The following CCND3 variants were observed in gnomAD, a reference collection of about 807,000 sequenced individuals.
The protein encoded by CCND3 is G1/S-specific cyclin-D3.
In CCND3, 9 loss-of-function variants were observed where a neutral mutation model predicts 28.7. That is an observed-to-expected ratio of 0.31 (90% CI 0.19 to 0.55). The LOEUF (loss-of-function observed/expected upper bound fraction) is 0.55. Among genes scored for constraint, CCND3 ranks in the 20% least tolerant of loss-of-function variants. The pLI is 0.93. For missense variants in CCND3, 315 were observed against 385.8 expected, an observed-to-expected ratio of 0.82 and a Z score of 1.54; for synonymous variants, 164 against 163.9, an observed-to-expected ratio of 1.00 and a Z score of 0.00.
chr6:42,023,748 C>CA (rs1412137312), intron 1 of CCND3, among the ~76,000 whole-genome samples: 1 of 151,954 alleles, frequency 6.6e-6, no homozygotes, highest in African/African-American at 2.4e-5. Context: ...ACACTAAAAG[C>CA]AAAAAATACA....
intron 1 of CCND3, among the ~76,000 whole-genome samples, chr6:41,955,256 G>A (rs1776409314): frequency 1.3e-5 from 2 of 151,734 alleles, no homozygotes; most frequent in Admixed American, 1.3e-4. Context: ...AGAACAATAT[G>A]TGAAAAAAAA....
intron 1 of CCND3, among the ~76,000 whole-genome samples, chr6:41,965,516 T>C (rs1036512649): frequency 6.6e-6 from 1 of 152,128 alleles, no homozygotes; most frequent in African/African-American, 2.4e-5. Context: ...TGGAAGTCCT[T>C]AGCACAGGCA....
chr6:41,936,433 A>G lies in CCND3; in HGVS notation c.711+126T>C, dbSNP rs1775797038. The G allele has an allele frequency of 8.7e-7, 1 of 1,155,084 alleles. No homozygotes were observed. The highest frequency in any genetic ancestry group is 2.4e-5 in the East Asian group (1 of 42,092). 71.6% of individuals were successfully genotyped at this position (1,155,084 alleles called of 1,614,324 possible). On this transcript the variant is annotated intron_variant, in intron 4 of 4. Coordinates refer to ENST00000372991, the MANE Select transcript of CCND3 (RefSeq NM_001760.5). The surrounding 1 kb of genome is among the most constrained non-coding windows in gnomAD (Gnocchi z 4.4). ...CAAGGCAGGAGATAAAAAGCCACAAAGCCCCAAGGTTGTGAAACCAGGACT... is the reference window on the plus strand; with the variant it reads ...CAAGGCAGGAGATAAAAAGCCACAAGGCCCCAAGGTTGTGAAACCAGGACT...
At position 42,029,149 on chromosome 6, in the gene CCND3, ATTTTTTTT is replaced by A. The variant is rs199889723; in HGVS notation, c.-46+19344_-46+19351del. On this transcript the variant is annotated intron_variant, in intron 1 of 4. Coordinates refer to the CCND3 transcript ENST00000372988. ...GCACCACCAGCTATTTTATTTTTTA[ATTTTTTTT>A]TTTTTTATTATTTTTTAGAGACAGG... Among the ~76,000 whole-genome samples, 205 of 145,158 alleles carry A rather than the reference ATTTTTTTT, an allele frequency of 1.4e-3. 2 individuals are homozygous for A. Among genetic ancestry groups the A allele is most frequent in the African/African-American group, 5.0e-3 (201 of 39,836 alleles).
chr6:42,027,187 C>T (rs1422309776), intron 1 of CCND3, among the ~76,000 whole-genome samples: 1 of 152,168 alleles, frequency 6.6e-6, no homozygotes, highest in Non-Finnish European at 1.5e-5. Context: ...TGCCTGTAAT[C>T]CCAGCACTTT....
intron 1 of CCND3, among the ~76,000 whole-genome samples, chr6:42,033,025 G>A (rs1405789113): frequency 6.6e-6 from 1 of 152,136 alleles, no homozygotes; most frequent in Non-Finnish European, 1.5e-5. Context: ...ATGGCAAGTC[G>A]TTTTACTGTT....
chr6:41,967,082 T>C (rs1390719708), intron 1 of CCND3, among the ~76,000 whole-genome samples: 2 of 152,156 alleles, frequency 1.3e-5, no homozygotes, highest in Non-Finnish European at 2.9e-5. Flanking sequence ...ATGAATGACA[T>C]GAAAGGAAAT....
Position 41,935,650 on chromosome 6 carries a change from T to G in CCND3, c.*290A>C. Reference sequence around the variant, plus strand: ...GGCGTTCAAAAGGAATGCTGGTGTATGTATCCAATTCTGTCCCATCAGCCT... The same window carrying G: ...GGCGTTCAAAAGGAATGCTGGTGTAGGTATCCAATTCTGTCCCATCAGCCT... On this transcript the variant is annotated 3_prime_UTR_variant, in exon 5 of 5. Coordinates refer to ENST00000372991, the MANE Select transcript of CCND3 (RefSeq NM_001760.5). 4.1e-6 allele frequency: 2 copies of G among 488,610 alleles called. No individual in the cohort carries two copies. Among genetic ancestry groups the G allele is most frequent in the Non-Finnish European group, 7.3e-6 (2 of 272,184 alleles). The allele number at this position is 488,610 out of a possible 1,614,324, so 30.3% of individuals were successfully genotyped here.
chr6:41,996,124 A>AT (rs1762794077), intron 1 of CCND3, among the ~76,000 whole-genome samples: 4 of 14,908 alleles, frequency 2.7e-4, no homozygotes, highest in Non-Finnish European at 6.3e-4. Flanking sequence ...TATATATATA[A>AT]TATATATATA....
intron 1 of CCND3, among the ~76,000 whole-genome samples, chr6:42,031,738 C>A (rs1582183504): frequency 6.6e-6 from 1 of 151,042 alleles, no homozygotes; most frequent in Non-Finnish European, 1.5e-5. Context: ...AATATATGTA[C>A]AATTTTGCAT....
intron 1 of CCND3, among the ~76,000 whole-genome samples, chr6:42,013,197 A>G (rs1490119997): frequency 6.6e-6 from 1 of 152,216 alleles, no homozygotes; most frequent in Non-Finnish European, 1.5e-5. Flanking sequence ...CAGAGGGAAC[A>G]TGATCTCCCA....
intron 1 of CCND3, among the ~76,000 whole-genome samples, chr6:42,018,846 G>A (rs1323586170): frequency 1.3e-5 from 2 of 148,972 alleles, no homozygotes; most frequent in Non-Finnish European, 3.0e-5. Flanking sequence ...AGCCGAGATC[G>A]TGCCATTGTA....
At chr6:41,993,911 A>G (rs1762724141) in intron 1 of CCND3, among the ~76,000 whole-genome samples, 1 of 143,342 alleles carries the variant, frequency 7.0e-6, no homozygotes, top group Non-Finnish European at 1.5e-5. Context: ...TGACAGAGCG[A>G]CAGACTCTTG....
Position 41,936,060 on chromosome 6 carries a change from C to A in CCND3, c.759G>T (p.Glu253Asp), listed in dbSNP as rs33966734. 0.013 allele frequency: 21,168 copies of A among 1,612,236 alleles called. 215 individuals are homozygous for A. Among genetic ancestry groups the A allele is most frequent in the Middle Eastern group, 0.047 (281 of 6,026 alleles). The change falls in exon 5 of 5, where the codon GAG becomes GAT. Residue 253 changes from glutamate to aspartate, a missense_variant. Transcript: ENST00000372991. This position sits in a 1 kb window ranked among gnomAD's most constrained non-coding sequence, Gnocchi z 4.4. The stretch of plus-strand genomic sequence containing the variant: ...TGGTCTGAGAGGCTTCCCTGAGGCT[C>A]TCCCTGAGTGCAGCTTCGATCTGCT... Reference protein sequence around the residue: ...CQEQIEAALRESLREASQTSS... With the variant: ...CQEQIEAALRDSLREASQTSS...
At chr6:41,980,037 A>ACACACACACACACACACACACAC (rs1554162943) in intron 1 of CCND3, among the ~76,000 whole-genome samples, 4 of 11,798 alleles carry the variant, frequency 3.4e-4, no homozygotes, top group South Asian at 2.7e-3. Context: ...CACACACACA[A>ACACACACACACACACACACACAC]TCAAACCTTT....
chr6:42,022,287 T>G (rs1040702078), intron 1 of CCND3, among the ~76,000 whole-genome samples: 3 of 152,156 alleles, frequency 2.0e-5, no homozygotes, highest in Admixed American at 6.6e-5. Flanking sequence ...TACCAGTATC[T>G]AGCACTATGA....
At chr6:42,021,492 GA>G (rs1467490166) in intron 1 of CCND3, among the ~76,000 whole-genome samples, 1 of 152,172 alleles carries the variant, frequency 6.6e-6, no homozygotes, top group Non-Finnish European at 1.5e-5. Flanking sequence ...GAGAAGGGTG[GA>G]AACCAATGAG....
intron 1 of CCND3, among the ~76,000 whole-genome samples, chr6:41,962,392 G>GC (rs1298927776): frequency 2.0e-5 from 3 of 151,568 alleles, no homozygotes; most frequent in Non-Finnish European, 2.9e-5. Context: ...GAGCCACTGC[G>GC]CCTGGCTGCC....
At chr6:42,005,312 C>G (rs756192940) in intron 1 of CCND3, among the ~76,000 whole-genome samples, 1 of 151,908 alleles carries the variant, frequency 6.6e-6, no homozygotes, top group Non-Finnish European at 1.5e-5. Context: ...GAAGCCAGGG[C>G]GGGTGGATAA....
Sources: allele counts gnomAD v4.1 joint callset (sites outside exome capture counted in the v4.1 genomes callset), GRCh38; gene constraint gnomAD v4.1.1; non-coding constraint Gnocchi (gnomAD v3.1); transcripts MANE v1.5; gene names NCBI Gene and HGNC (gene_info 2026-07-23, HGNC 2026-07-21).